The following DRD3 variants were observed in gnomAD, a reference collection of about 807,000 sequenced individuals.
DRD3 encodes dopamine receptor D3, also known as D(3) dopamine receptor.
In DRD3, 19 loss-of-function variants were observed where a neutral mutation model predicts 36.3. The observed-to-expected ratio is 0.52, with a 90% CI of 0.36 to 0.77. The LOEUF (loss-of-function observed/expected upper bound fraction) is 0.77, where lower values mean the gene tolerates loss of function less well. Among genes scored for constraint, DRD3 ranks in the 30% least tolerant of loss-of-function variants. DRD3 has a pLI of 0.00. For missense variants in DRD3, 465 were observed against 505.3 expected, an observed-to-expected ratio of 0.92 and a Z score of 0.77; for synonymous variants, 195 against 203.7, an observed-to-expected ratio of 0.96 and a Z score of 0.36.
intron 5 of DRD3, among the ~76,000 whole-genome samples, chr3:114,134,457 G>C (rs748212311): frequency 6.6e-6 from 1 of 152,000 alleles, no homozygotes; most frequent in Non-Finnish European, 1.5e-5. Flanking sequence ...GTCTCACTCT[G>C]TCACCAGGCT....
intron 1 of DRD3, among the ~76,000 whole-genome samples, chr3:114,191,131 G>C (rs1356260147): frequency 6.6e-6 from 1 of 152,222 alleles, no homozygotes; most frequent in African/African-American, 2.4e-5. Context: ...TTTGGGCCTA[G>C]AGAATACAGT....
At chr3:114,162,539 C>T (rs1009321342) in intron 2 of DRD3, among the ~76,000 whole-genome samples, 1 of 152,226 alleles carries the variant, frequency 6.6e-6, no homozygotes, top group African/African-American at 2.4e-5. Context: ...TAATAGCTAA[C>T]ATTTATTGAA....
intron 1 of DRD3, among the ~76,000 whole-genome samples, chr3:114,194,443 C>T (rs1370465916): frequency 1.3e-5 from 2 of 152,038 alleles, no homozygotes; most frequent in East Asian, 1.9e-4. Flanking sequence ...CCACCATGCC[C>T]GGCTAATTTT....
chr3:114,193,542 A>C (rs78150021), intron 1 of DRD3, among the ~76,000 whole-genome samples: 1 of 152,138 alleles, frequency 6.6e-6, no homozygotes, highest in Non-Finnish European at 1.5e-5. Flanking sequence ...CTGGGGCTAT[A>C]CTGGACTTCT....
At chr3:114,165,898 T>G (rs1212408870) in intron 2 of DRD3, among the ~76,000 whole-genome samples, 2 of 151,558 alleles carry the variant, frequency 1.3e-5, no homozygotes, top group Non-Finnish European at 2.9e-5. Context: ...TCACATAAGG[T>G]GGGAGTGGGG....
At chr3:114,197,021 A>G (rs954357727) in intron 1 of DRD3, among the ~76,000 whole-genome samples, 1 of 147,688 alleles carries the variant, frequency 6.8e-6, no homozygotes, top group Non-Finnish European at 1.5e-5. Context: ...TTTAGGGTAC[A>G]TGTGCACATT....
At chr3:114,195,448 G>A (rs1184902258) in intron 1 of DRD3, among the ~76,000 whole-genome samples, 1 of 152,124 alleles carries the variant, frequency 6.6e-6, no homozygotes, top group East Asian at 1.9e-4. Flanking sequence ...AATGTTAAAT[G>A]TCTGAAATCA....
At chr3:114,198,988 A>T (rs7628806) in intron 1 of DRD3, among the ~76,000 whole-genome samples, 1 of 151,962 alleles carries the variant, frequency 6.6e-6, no homozygotes, top group African/African-American at 2.4e-5. Context: ...CAAGGGATAC[A>T]CTCACTTCAA....
chr3:114,139,679 A>G lies in DRD3; in HGVS notation c.544T>C (p.Ser182Pro). 2 of 1,614,124 alleles carry G rather than the reference A, an allele frequency of 1.2e-6. No homozygotes were observed. Among genetic ancestry groups the G allele is most frequent in the Non-Finnish European group, 1.7e-6 (2 of 1,179,994 alleles). The change falls in exon 5 of 7, where the codon TCC becomes CCC. Residue 182 changes from serine to proline, a missense_variant. Ser to Pro is a moderately conservative substitution (Grantham distance 74). Transcript: ENST00000383673. ...ATGACAAAATCAGGGTTGGAGATGG[A>G]GCAGACAGTGGGGTCCCCTGTGGAT... ...FNTTGDPTVC[S>P]ISNPDFVIYS... is the part of the protein sequence containing the mutation.
intron 1 of DRD3, among the ~76,000 whole-genome samples, chr3:114,186,698 G>A (rs2077977388): frequency 6.6e-6 from 1 of 152,194 alleles, no homozygotes; most frequent in Non-Finnish European, 1.5e-5. Context: ...GAGCTGACAT[G>A]ACCAAAATAA....
rs1405134406 is a variant in DRD3 at position 114,172,007 on chromosome 3, T to C, written c.-15A>G. The C allele has an allele frequency of 7.0e-7, 1 of 1,423,986 alleles. No individual in the cohort carries two copies. Among genetic ancestry groups the C allele is most frequent in the South Asian group, 1.6e-5 (1 of 61,510 alleles). 88.2% of individuals were successfully genotyped at this position (1,423,986 alleles called of 1,614,324 possible). A position where few individuals can be genotyped will look rare whatever the true frequency, so the allele number is the denominator to read the frequency against. On this transcript the variant is annotated 5_prime_UTR_variant, in exon 2 of 7. Coordinates refer to ENST00000383673, the MANE Select transcript of DRD3 (RefSeq NM_000796.6). ...AGAGATGCCATAGCCCAGAGGGAGG[T>C]GCGTGATGCCAAGGGGCTTCCTGTG...
chr3:114,182,668 G>A (rs1226191637), upstream of DRD3, among the ~76,000 whole-genome samples: 5 of 151,994 alleles, frequency 3.3e-5, no homozygotes, highest in Admixed American at 3.3e-4. Context: ...CTGCAGTGCA[G>A]TGGTGCAATC....
intron 2 of DRD3, among the ~76,000 whole-genome samples, chr3:114,165,831 G>A (rs2077777794): frequency 6.6e-6 from 1 of 151,772 alleles, no homozygotes; most frequent in South Asian, 2.1e-4. Flanking sequence ...TGAAATAGGG[G>A]GTTTGTAGCT....
At chr3:114,191,014 ACCAGAGT>A (rs1470721559) in intron 1 of DRD3, among the ~76,000 whole-genome samples, 1 of 152,190 alleles carries the variant, frequency 6.6e-6, no homozygotes, top group African/African-American at 2.4e-5. Context: ...AGTTTTACCT[ACCAGAGT>A]CCAAAGTCTC....
chr3:114,156,743 T>TTCTTTCTCTTTC (rs1286313199), intron 3 of DRD3, among the ~76,000 whole-genome samples: 1 of 20,690 alleles, frequency 4.8e-5, no homozygotes, highest in African/African-American at 9.5e-5. Context: ...CTTTCTTTCT[T>TTCTTTCTCTTTC]TTTCTTTCTT....
intron 6 of DRD3, among the ~76,000 whole-genome samples, chr3:114,130,783 C>T (rs1455765890): frequency 6.6e-6 from 1 of 152,082 alleles, no homozygotes; most frequent in African/African-American, 2.4e-5. Flanking sequence ...TTATTTTTAT[C>T]ACTTAATATT....
Position 114,128,253 on chromosome 3 carries a change from A to G in DRD3, c.*463T>C, listed in dbSNP as rs2077395178. Among the ~76,000 whole-genome samples, 1 of 152,176 alleles carries G rather than the reference A, an allele frequency of 6.6e-6. No individual in the cohort carries two copies. The highest frequency in any genetic ancestry group is 2.4e-5 in the African/African-American group (1 of 41,450). On this transcript the variant is annotated 3_prime_UTR_variant, in exon 7 of 7. Coordinates refer to ENST00000383673, the MANE Select transcript of DRD3 (RefSeq NM_000796.6). ...GATACAGTGAAGGAAAGAAATGACCAAGAGGAATGGGCCCGTAAAAGTACA... is the reference window on the plus strand; with the variant it reads ...GATACAGTGAAGGAAAGAAATGACCGAGAGGAATGGGCCCGTAAAAGTACA...
intron 2 of DRD3, among the ~76,000 whole-genome samples, chr3:114,168,284 A>G (rs1032258533): frequency 6.6e-6 from 1 of 152,008 alleles, no homozygotes; most frequent in Non-Finnish European, 1.5e-5. Flanking sequence ...ATGTCTTCTG[A>G]CTCCAAGTTC....
At chr3:114,130,735 G>A (rs1185971709) in intron 6 of DRD3, among the ~76,000 whole-genome samples, 8 of 152,064 alleles carry the variant, frequency 5.3e-5, no homozygotes, top group Non-Finnish European at 2.9e-5. Context: ...AAGTAATCTA[G>A]ATTTTATCAT....
Sources: gnomAD v4.1 joint callset for allele counts (sites outside exome capture counted in the v4.1 genomes callset) on GRCh38, gnomAD v4.1.1 for gene constraint, MANE v1.5 for transcripts, NCBI Gene and HGNC (gene_info 2026-07-23, HGNC 2026-07-21) for gene names.